The following TRIP4 variants were observed in gnomAD, a reference collection of about 807,000 sequenced individuals.
TRIP4 encodes the protein thyroid hormone receptor interactor 4.
Under a neutral mutation model 81.8 loss-of-function variants are expected in TRIP4, and 54 were observed. That is an observed-to-expected ratio of 0.66 (90% confidence interval 0.53 to 0.83). The LOEUF (loss-of-function observed/expected upper bound fraction) is 0.83. TRIP4 is among the 40% of genes least tolerant of loss of function. The pLI is 0.00. For missense variants in TRIP4, 662 were observed against 683.6 expected, an observed-to-expected ratio of 0.97 and a Z score of 0.35; for synonymous variants, 270 against 242.8, an observed-to-expected ratio of 1.11 and a Z score of -1.04.
intron 12 of TRIP4, among the ~76,000 whole-genome samples, chr15:64,448,992 T>A (rs1445964412): frequency 3.9e-5 from 6 of 152,110 alleles, no homozygotes; most frequent in Non-Finnish European, 7.4e-5. Flanking sequence ...GGAGGATCAC[T>A]TGAAGCCAGG....
In TRIP4 at chr15:64,407,803, A is replaced by G. The variant is rs563276806; in HGVS notation, c.827+1344A>G. ...AGTTTCATTATCTAGGTTTTTGTAT[A>G]AGACCAATTTCCACCAGGCACAGTG... On this transcript the variant is annotated intron_variant, in intron 6 of 12. Coordinates refer to ENST00000261884, the MANE Select transcript of TRIP4 (RefSeq NM_016213.5). Among the ~76,000 whole-genome samples, 3 of 152,226 alleles carry G rather than the reference A, an allele frequency of 2.0e-5. No individual in the cohort carries two copies. The South Asian group carries it at 6.2e-4, about 32-fold the overall frequency.
At chr15:64,410,113 C>A (rs1952234037) in intron 7 of TRIP4, among the ~76,000 whole-genome samples, 1 of 150,632 alleles carries the variant, frequency 6.6e-6, no homozygotes, top group South Asian at 2.1e-4. Flanking sequence ...GCAACCTCCG[C>A]CTCCCAGGTT....
chr15:64,441,070 C>A (rs1450184713), intron 11 of TRIP4, among the ~76,000 whole-genome samples: 1 of 151,764 alleles, frequency 6.6e-6, no homozygotes, highest in Non-Finnish European at 1.5e-5. Flanking sequence ...GATCTCGGCT[C>A]ACTGCAAGCT....
chr15:64,423,180 C>T (rs1289023546), intron 9 of TRIP4, among the ~76,000 whole-genome samples: 1 of 151,886 alleles, frequency 6.6e-6, no homozygotes, highest in Non-Finnish European at 1.5e-5. Flanking sequence ...TTTAAAAATG[C>T]AAATGGAGCC....
At chr15:64,449,212 TAA>T (rs35793760) in intron 12 of TRIP4, among the ~76,000 whole-genome samples, 2 of 144,886 alleles carry the variant, frequency 1.4e-5, no homozygotes, top group African/African-American at 2.5e-5. Context: ...ACCCTGTCTC[TAA>T]AAAAAAAAAA....
chr15:64,425,674 C>T (rs368735672), intron 11 of TRIP4, 43 bp downstream of exon 11: 6 of 1,534,550 alleles, frequency 3.9e-6, no homozygotes, highest in Admixed American at 3.6e-5. Flanking sequence ...AGGGTTTCGC[C>T]ATGTTGGCCA....
rs1444202350 is a variant in TRIP4, at chr15:64,425,954, G to A, written c.1575+323G>A. On this transcript the variant is annotated intron_variant, in intron 11 of 12. Coordinates refer to ENST00000261884, the MANE Select transcript of TRIP4 (RefSeq NM_016213.5). ...AAAAATTAGCCGGGTGTGGTGGCACGTGCCTGTAGTCCCAGCTGCTCCAAA... is the reference window on the plus strand; with the variant it reads ...AAAAATTAGCCGGGTGTGGTGGCACATGCCTGTAGTCCCAGCTGCTCCAAA... Among the ~76,000 whole-genome samples the A allele has an allele frequency of 3.3e-5, 5 of 152,076 alleles. No homozygotes were observed. The East Asian group carries it at 5.8e-4, about 18-fold the overall frequency.
intron 11 of TRIP4, among the ~76,000 whole-genome samples, chr15:64,434,356 G>A (rs1892342126): frequency 6.7e-6 from 1 of 148,322 alleles, no homozygotes; most frequent in African/African-American, 2.5e-5. Context: ...TCGAGATTGT[G>A]CCATTGCACT....
intron 11 of TRIP4, among the ~76,000 whole-genome samples, chr15:64,431,583 G>A (rs900443326): frequency 6.6e-5 from 10 of 151,622 alleles, no homozygotes; most frequent in African/African-American, 2.4e-4. Context: ...GTGGGTGCCC[G>A]TAATCCCAGC....
At position 64,434,841 on chromosome 15, in the gene TRIP4, A is replaced by G. The variant is rs116739311; in HGVS notation, c.1575+9210A>G. Among the ~76,000 whole-genome samples, 931 of 152,286 alleles carry G rather than the reference A, an allele frequency of 6.1e-3. 9 individuals are homozygous for G. Among genetic ancestry groups the G allele is most frequent in the African/African-American group, 0.021 (874 of 41,556 alleles). On this transcript the variant is annotated intron_variant, in intron 11 of 12. Transcript: ENST00000261884. ...AGAAAGAATATGCTGTAGTGTCGCT[A>G]TCTACTTGGAATCTGTTCAGGACTC...
intron 1 of TRIP4, among the ~76,000 whole-genome samples, chr15:64,388,800 C>G (rs1900030664): frequency 6.6e-6 from 1 of 152,186 alleles, no homozygotes; most frequent in Non-Finnish European, 1.5e-5. Flanking sequence ...CTTAATTTTT[C>G]TCTCTGTACC....
chr15:64,407,111 T>C (rs1390560985), intron 6 of TRIP4, among the ~76,000 whole-genome samples: 2 of 152,242 alleles, frequency 1.3e-5, no homozygotes, highest in East Asian at 1.9e-4. Context: ...AATGTTTGGA[T>C]AGGATTTATA....
chr15:64,440,215 A>G (rs1282917040), intron 11 of TRIP4, among the ~76,000 whole-genome samples: 1 of 152,004 alleles, frequency 6.6e-6, no homozygotes, highest in Non-Finnish European at 1.5e-5. Context: ...CCTGGGTCAC[A>G]GAGTGAAATC....
Position 64,403,511 on chromosome 15 carries a change from G to A in TRIP4, c.697+2690G>A, listed in dbSNP as rs75915370. Among the ~76,000 whole-genome samples the A allele has an allele frequency of 6.1e-3, 925 of 152,120 alleles. 9 individuals are homozygous for A. The highest frequency in any genetic ancestry group is 0.021 in the African/African-American group (868 of 41,510). On this transcript the variant is annotated intron_variant, in intron 5 of 12. Coordinates refer to ENST00000261884, the MANE Select transcript of TRIP4 (RefSeq NM_016213.5). The stretch of plus-strand genomic sequence containing the variant: ...AATATACTCATTACTCACTACTTAC[G>A]CAAATATTTCATTTTGTTCCTACCT...
At chr15:64,420,733 C>T (rs534522599) in intron 9 of TRIP4, among the ~76,000 whole-genome samples, 12 of 151,462 alleles carry the variant, frequency 7.9e-5, no homozygotes, top group Admixed American at 4.6e-4. Context: ...GGTGTTTCAC[C>T]GTGTTAGTCA....
At position 64,424,147 on chromosome 15, in the gene TRIP4, G is replaced by A. The variant is rs750114438; in HGVS notation, c.1475G>A (p.Arg492His). The change falls in exon 10 of 13, where the codon CGT becomes CAT. Residue 492 changes from arginine (R) to histidine (H), a missense_variant. Transcript: ENST00000261884. ...CTCCAGGCTACATATCGTCTTCTTC[G>A]TGGGAAAGGTAACAGCCGCATATTC... is the stretch of plus-strand genomic sequence containing the variant. ...SELQATYRLLRGKDVEFPNDY... is the reference protein window; with the variant it reads ...SELQATYRLLHGKDVEFPNDY... 7.4e-6 allele frequency: 12 copies of A among 1,614,014 alleles called. No individual in the cohort carries two copies. The highest frequency in any genetic ancestry group is 1.3e-5 in the African/African-American group (1 of 74,910).
Position 64,425,547 on chromosome 15 carries a change from A to G in TRIP4, c.1491A>G (p.Glu497=). 1.2e-6 allele frequency: 2 copies of G among 1,608,478 alleles called. No individual in the cohort carries two copies. Among genetic ancestry groups the G allele is most frequent in the Non-Finnish European group, 1.7e-6 (2 of 1,178,486 alleles). ...TYRLLRGKDV[E]FPNDYPSGCL... ...TTGTTATTCCTGATTCAGATGTGGA[A>G]TTTCCTAATGACTATCCGTCAGGTT... Residue 497 remains glutamate, a synonymous_variant, in exon 11 of 13, where the codon GAA becomes GAG. Coordinates refer to ENST00000261884, the MANE Select transcript of TRIP4 (RefSeq NM_016213.5).
At chr15:64,446,961 A>G (rs1408157146) in intron 12 of TRIP4, among the ~76,000 whole-genome samples, 1 of 151,716 alleles carries the variant, frequency 6.6e-6, no homozygotes, top group South Asian at 2.1e-4. Context: ...AAAATTAGCC[A>G]GGCATGGTAG....
chr15:64,450,721 T>TTCCTCTTGTATCTTGTTTC, intron 12 of TRIP4: 1 of 456,076 alleles, frequency 2.2e-6, no homozygotes, highest in African/African-American at 2.0e-5. Flanking sequence ...GAAATCCTTG[T>TTCCTCTTGTATCTTGTTTC]TCCTCTTGTA....
Sources: allele counts gnomAD v4.1 joint callset (sites outside exome capture counted in the v4.1 genomes callset), GRCh38; gene constraint gnomAD v4.1.1; transcripts MANE v1.5; gene names NCBI Gene and HGNC (gene_info 2026-07-23, HGNC 2026-07-21).